OSBPL2: variants seen among roughly 807,000 people sequenced by gnomAD.
OSBPL2 encodes the protein oxysterol-binding protein-related protein 2.
In OSBPL2, 18 loss-of-function variants were observed where a neutral mutation model predicts 58.4. The observed-to-expected ratio is 0.31, with a 90% CI of 0.21 to 0.46. The LOEUF (loss-of-function observed/expected upper bound fraction) is 0.46. OSBPL2 is among the 20% of genes least tolerant of loss of function. OSBPL2 has a pLI of 1.00. For synonymous variants in OSBPL2, 221 were observed against 234.1 expected (o/e 0.94, Z 0.51); for missense variants, 461 against 616.5 (o/e 0.75, Z 2.67).
intron 1 of OSBPL2, among the ~76,000 whole-genome samples, chr20:62,249,315 G>A (rs1980368259): frequency 1.3e-5 from 2 of 152,176 alleles, no homozygotes; most frequent in Admixed American, 6.5e-5. Context: ...TTCTCTAGAA[G>A]TAGAAAAGGG....
At chr20:62,291,604 C>T (rs920433569) in intron 12 of OSBPL2, 99 bp from the exon 13 acceptor site, 1 of 991,826 alleles carries the variant, frequency 1.0e-6, no homozygotes, top group Non-Finnish European at 1.6e-6. Context: ...GCATTCCAGC[C>T]ACAGTGAGAC....
At chr20:62,265,719 T>G (rs1981618973) in intron 4 of OSBPL2, among the ~76,000 whole-genome samples, 1 of 152,268 alleles carries the variant, frequency 6.6e-6, no homozygotes, top group African/African-American at 2.4e-5. Context: ...TCTGCAATGT[T>G]TTTTGTACAT....
rs528407867 is a variant in OSBPL2 at position 62,272,475 on chromosome 20, C to T, written c.393+216C>T. Among the ~76,000 whole-genome samples, 61 of 152,274 alleles carry T rather than the reference C, an allele frequency of 4.0e-4. 1 individual carries two copies. The South Asian group carries it at 0.011, about 28-fold the overall frequency. On this transcript the variant is annotated intron_variant, in intron 5 of 13. Transcript: ENST00000313733. The stretch of plus-strand genomic sequence containing the variant: ...AAATGCCATTGAGCTCTCAGTGGCC[C>T]CAAGAGCTCCCTGCTGCCGCCTCCT...
At chr20:62,259,936 ATCTT>A in intron 2 of OSBPL2, 41 bp from the exon 3 acceptor site, 5 of 1,591,300 alleles carry the variant, frequency 3.1e-6, no homozygotes, top group Non-Finnish European at 4.3e-6. Flanking sequence ...CTTTTAAAAA[ATCTT>A]TCAGGTCCAG....
At chr20:62,287,787 A>G (rs1983227415) in intron 11 of OSBPL2, among the ~76,000 whole-genome samples, 1 of 152,168 alleles carries the variant, frequency 6.6e-6, no homozygotes, top group Non-Finnish European at 1.5e-5. Context: ...TAAATTTATT[A>G]TTAGGAAAAT....
rs1284589011 is a variant in OSBPL2, at chr20:62,288,897, C to T, written c.1126-310C>T. Among the ~76,000 whole-genome samples, 1 of 151,904 alleles carries T rather than the reference C, an allele frequency of 6.6e-6. No homozygotes were observed. ...GGGTTTAGCAGTGGGAGACAGGTGG[C>T]GTGGCTGGAGTGTTTCCAGCAAGCT... is the stretch of plus-strand genomic sequence containing the variant. On this transcript the variant is annotated intron_variant, in intron 11 of 13. Transcript: ENST00000313733. The surrounding 1 kb of genome is among the most constrained non-coding windows in gnomAD (Gnocchi z 4.8).
At chr20:62,277,860 T>A (rs1054183433) in intron 6 of OSBPL2, among the ~76,000 whole-genome samples, 4 of 152,184 alleles carry the variant, frequency 2.6e-5, no homozygotes, top group African/African-American at 7.2e-5. Flanking sequence ...GAGAGTACAC[T>A]AAAAATCCTG....
rs1981935725 is a variant in OSBPL2, at chr20:62,269,829, C to T, written c.259-2296C>T. ...CTGCTTTCCTCGGCAGCCACATTCC[C>T]TTGTGCAGTCTTGGCCACACCCATG... On this transcript the variant is annotated intron_variant, in intron 4 of 13. Transcript: ENST00000313733. The surrounding 1 kb of genome is among the most constrained non-coding windows in gnomAD (Gnocchi z 4.2). Among the ~76,000 whole-genome samples the T allele has an allele frequency of 1.3e-5, 2 of 152,250 alleles. No homozygotes were observed. The highest frequency in any genetic ancestry group is 4.1e-4 in the South Asian group (2 of 4,836).
chr20:62,289,183 G>A lies in OSBPL2; in HGVS notation c.1126-24G>A, dbSNP rs374723767. On this transcript the variant is annotated intron_variant, in intron 11 of 13. Transcript: ENST00000313733. ...ATGGTTCAGAGGCCCTGCTGAGGTC[G>A]TGTCTCTGTGCCTTGCTCCACAGAT... The A allele has an allele frequency of 2.9e-5, 46 of 1,612,540 alleles. No individual in the cohort carries two copies. In the African/African-American group the frequency reaches 4.9e-4, roughly 17 times the overall value.
chr20:62,263,780 T>G, intron 4 of OSBPL2, 89 bp downstream of exon 4: 8 of 1,205,526 alleles, frequency 6.6e-6, no homozygotes, highest in Non-Finnish European at 8.6e-6. Context: ...GAAAATGCGC[T>G]CTTGGCCGGG....
intron 1 of OSBPL2, among the ~76,000 whole-genome samples, chr20:62,248,404 C>T (rs6089339): frequency 0.16 from 24,355 of 152,092 alleles, 2,458 homozygotes; most frequent in East Asian, 0.38. Context: ...GATCCGTCCA[C>T]CTCGGCCTCC....
chr20:62,242,819 A>G (rs1362894247), intron 1 of OSBPL2, among the ~76,000 whole-genome samples: 2 of 152,242 alleles, frequency 1.3e-5, no homozygotes, highest in Non-Finnish European at 2.9e-5. Flanking sequence ...AGGGGTGCCC[A>G]GAGAGCGCCT....
At position 62,272,275 on chromosome 20, in the gene OSBPL2, G is replaced by A; in HGVS notation, c.393+16G>A. On this transcript the variant is annotated intron_variant, in intron 5 of 13. Coordinates refer to ENST00000313733, the MANE Select transcript of OSBPL2 (RefSeq NM_144498.4). ...GAGGATGCAGGTGGGCCTTAGGGGT[G>A]CCAGGCAGGAGTTTGTCATGAAAGT... 1 of 1,611,160 alleles carries A rather than the reference G, an allele frequency of 6.2e-7. No homozygotes were observed. Among genetic ancestry groups the A allele is most frequent in the East Asian group, 2.2e-5 (1 of 44,864 alleles).
At chr20:62,291,199 GAGTGTGACCTGGGAA>G (rs1983486531) in intron 12 of OSBPL2, 1 of 202,432 alleles carries the variant, frequency 4.9e-6, no homozygotes, top group Non-Finnish European at 1.0e-5. Context: ...CCCAGCTCAC[GAGTGTGACCTGGGAA>G]TGGATGTAAC....
At chr20:62,248,189 C>G (rs1341864078) in intron 1 of OSBPL2, among the ~76,000 whole-genome samples, 1 of 119,418 alleles carries the variant, frequency 8.4e-6, no homozygotes, top group African/African-American at 3.3e-5. Flanking sequence ...GGGTCTCGCT[C>G]TGTTGCCCAG....
intron 12 of OSBPL2, 95 bp downstream of exon 12, chr20:62,289,425 T>C: frequency 6.9e-7 from 1 of 1,444,702 alleles, no homozygotes; most frequent in Non-Finnish European, 9.4e-7. Context: ...AGCCAGGCTC[T>C]CGCCTACAAG....
intron 5 of OSBPL2, 38 bp from the exon 6 acceptor site, chr20:62,273,271 C>A: frequency 6.5e-7 from 1 of 1,546,010 alleles, no homozygotes; most frequent in Non-Finnish European, 8.9e-7. Flanking sequence ...CGTTTCCTAA[C>A]TGAAGCTGTG....
intron 2 of OSBPL2, 117 bp from the exon 3 acceptor site, chr20:62,259,864 T>G (rs1981178377): frequency 1.1e-6 from 1 of 881,858 alleles, no homozygotes. Context: ...TCCAAATGTG[T>G]CCGTTCACAC....
chr20:62,273,470 T>A (rs1277250656), intron 6 of OSBPL2, 64 bp downstream of exon 6: 2 of 1,254,934 alleles, frequency 1.6e-6, no homozygotes, highest in South Asian at 2.5e-5. Context: ...ACAGATAAGT[T>A]TGATTCTTTC....
Sources: gnomAD v4.1 joint callset for allele counts (sites outside exome capture counted in the v4.1 genomes callset) on GRCh38, gnomAD v4.1.1 for gene constraint, Gnocchi (gnomAD v3.1) non-coding constraint, MANE v1.5 for transcripts, NCBI Gene and HGNC (gene_info 2026-07-23, HGNC 2026-07-21) for gene names.